The following AGPAT1 variants were observed in gnomAD, a reference collection of about 807,000 sequenced individuals.
The protein encoded by AGPAT1 is 1-acylglycerol-3-phosphate O-acyltransferase 1.
In AGPAT1, 6 loss-of-function variants were observed where a neutral mutation model predicts 31.2. That is an observed-to-expected ratio of 0.19 (90% CI 0.11 to 0.38). The LOEUF is 0.38. Ranked by LOEUF, AGPAT1 falls within the 10% of genes least tolerant of loss-of-function variation. The pLI is 1.00. For synonymous variants in AGPAT1, 139 were observed against 154.0 expected (o/e 0.90, Z 0.72); for missense variants, 187 against 377.8 (o/e 0.49, Z 4.19).
Position 32,170,267 on chromosome 6 carries a change from G to A in AGPAT1, c.511-7C>T. 3 of 1,611,874 alleles carry A rather than the reference G, an allele frequency of 1.9e-6. No individual in the cohort carries two copies. Among genetic ancestry groups the A allele is most frequent in the Non-Finnish European group, 2.5e-6 (3 of 1,178,864 alleles). ...GAAACACCCAGACCCTCACCTGGGG[G>A]AGAAAGAGGGTCAAAGAAGACAAAT... On this transcript the variant is annotated splice_region_variant and splice_polypyrimidine_tract_variant and intron_variant, in intron 4 of 6. Coordinates refer to ENST00000375107, the MANE Select transcript of AGPAT1 (RefSeq NM_006411.4). This position sits in a 1 kb window ranked among gnomAD's most constrained non-coding sequence, Gnocchi z 7.7.
rs1046895414 is a variant in AGPAT1 at position 32,169,242 on chromosome 6, G to A, written c.*34C>T. ...GGTGGGTAGGTGTGGGGAGGAAGAT[G>A]GGGACAGATGGGAGGAGAGCTCAGA... On this transcript the variant is annotated 3_prime_UTR_variant, in exon 7 of 7. Transcript: ENST00000375107. This position sits in a 1 kb window ranked among gnomAD's most constrained non-coding sequence, Gnocchi z 5.9. 78 of 1,604,716 alleles carry A rather than the reference G, an allele frequency of 4.9e-5. No homozygotes were observed. The highest frequency in any genetic ancestry group is 6.5e-5 in the Non-Finnish European group (76 of 1,174,266).
chr6:32,171,459 A>G lies in AGPAT1; in HGVS notation c.38T>C (p.Leu13Pro). The change falls in exon 2 of 7, where the codon CTG (leucine) becomes CCG (proline). Residue 13 changes from leucine to proline, a missense_variant. By Grantham distance (98) the Leu-to-Pro change is moderately conservative (BLOSUM62 -3). Transcript: ENST00000375107. This position sits in a 1 kb window ranked among gnomAD's most constrained non-coding sequence, Gnocchi z 6.9. ...CAGGAAGAGCAGCAGCAGGAAGAGC[A>G]GCAGCAGCAGCATCCATGCCCCTGG... is the stretch of plus-strand genomic sequence containing the variant. ...LWPGAWMLLL[L>P]LFLLLLFLLP... 6.2e-7 allele frequency: 1 copy of G among 1,609,266 alleles called. No individual in the cohort carries two copies. Among genetic ancestry groups the G allele is most frequent in the Non-Finnish European group, 8.5e-7 (1 of 1,178,554 alleles).
rs1785004489 is a variant in AGPAT1, at chr6:32,170,633, G to A, written c.335-33C>T. On this transcript the variant is annotated intron_variant, in intron 3 of 6. Coordinates refer to ENST00000375107, the MANE Select transcript of AGPAT1 (RefSeq NM_006411.4). The surrounding 1 kb of genome is among the most constrained non-coding windows in gnomAD (Gnocchi z 7.7). The stretch of plus-strand genomic sequence containing the variant: ...AGGGTGGGAGTGGGTGAGGATCGGG[G>A]TGGAGGCAGAGTGTCACAGAAGGCA... The A allele has an allele frequency of 4.4e-6, 7 of 1,605,056 alleles. No individual in the cohort carries two copies. The highest frequency in any genetic ancestry group is 5.9e-6 in the Non-Finnish European group (7 of 1,179,152).
At chr6:32,177,327 G>C, upstream of AGPAT1, 1 of 379,602 alleles carries the variant, frequency 2.6e-6, no homozygotes, top group Admixed American at 4.5e-5. Flanking sequence ...CCCTATTTCT[G>C]ATGGGCAAAT....
Sources: gnomAD v4.1 joint callset for allele counts on GRCh38, gnomAD v4.1.1 for gene constraint, Gnocchi (gnomAD v3.1) non-coding constraint, MANE v1.5 for transcripts, NCBI Gene and HGNC (gene_info 2026-07-23, HGNC 2026-07-21) for gene names.